XPR1: variants seen among roughly 807,000 people sequenced by gnomAD.
XPR1 encodes xenotropic and polytropic retrovirus receptor 1.
A neutral mutation model predicts 87.5 loss-of-function variants in XPR1; 28 were observed. That is an observed-to-expected ratio of 0.32 (90% confidence interval 0.24 to 0.44). XPR1 has a LOEUF of 0.44. Among genes scored for constraint, XPR1 ranks in the 20% least tolerant of loss-of-function variants. The pLI is 1.00. For synonymous variants in XPR1, 300 were observed against 306.1 expected (o/e 0.98, Z 0.21); for missense variants, 559 against 862.3 (o/e 0.65, Z 4.41).
intron 11 of XPR1, among the ~76,000 whole-genome samples, chr1:180,862,459 T>C (rs1308991265): frequency 6.6e-6 from 1 of 152,130 alleles, no homozygotes. Context: ...CCTCACCTTA[T>C]CTGCCTGACT....
intron 2 of XPR1, among the ~76,000 whole-genome samples, chr1:180,691,692 G>A (rs1347678337): frequency 2.0e-5 from 3 of 152,126 alleles, no homozygotes; most frequent in Non-Finnish European, 4.4e-5. Flanking sequence ...TAGCAGATGT[G>A]TTACAGTCTC....
rs1278362385 is a variant in XPR1 at position 180,825,222 on chromosome 1, C to G, written c.1012C>G (p.Pro338Ala). ...GAGCCTTCTGGCATGCTTCTTTGCT[C>G]CAATTAGTGTCATCCCCACATATGT... Reference protein sequence around the residue: ...CLSLLACFFAPISVIPTYVYP... With the variant: ...CLSLLACFFAAISVIPTYVYP... The change falls in exon 9 of 15, where the codon CCA (proline) becomes GCA (alanine). Residue 338 changes from proline to alanine, a missense_variant. Physicochemically the swap from Pro to Ala is conservative, Grantham distance 27. Transcript: ENST00000367590. The G allele has an allele frequency of 1.9e-6, 3 of 1,613,966 alleles. No individual in the cohort carries two copies. Among genetic ancestry groups the G allele is most frequent in the Non-Finnish European group, 1.7e-6 (2 of 1,179,930 alleles).
chr1:180,680,696 T>A (rs1040968612), intron 1 of XPR1, among the ~76,000 whole-genome samples: 2 of 152,038 alleles, frequency 1.3e-5, no homozygotes, highest in African/African-American at 4.8e-5. Context: ...GAATCAGCAA[T>A]CCCACTACTG....
At chr1:180,845,240 T>C (rs967307722) in intron 11 of XPR1, among the ~76,000 whole-genome samples, 1 of 152,220 alleles carries the variant, frequency 6.6e-6, no homozygotes, top group Non-Finnish European at 1.5e-5. Flanking sequence ...AGTATAAATT[T>C]GTAAGCAATT....
intron 11 of XPR1, among the ~76,000 whole-genome samples, chr1:180,841,790 G>T (rs796848764): frequency 6.6e-4 from 100 of 151,684 alleles, no homozygotes; most frequent in African/African-American, 2.3e-3. Flanking sequence ...AATCATATTG[G>T]TAAATAAAAA....
chr1:180,712,060 A>G (rs1305316137), intron 2 of XPR1, among the ~76,000 whole-genome samples: 2 of 151,746 alleles, frequency 1.3e-5, no homozygotes, highest in Non-Finnish European at 2.9e-5. Flanking sequence ...TGTGGATGGT[A>G]CCAAATTATA....
At chr1:180,668,980 T>G (rs976155677) in intron 1 of XPR1, among the ~76,000 whole-genome samples, 4 of 151,792 alleles carry the variant, frequency 2.6e-5, no homozygotes, top group Non-Finnish European at 5.9e-5. Context: ...TCCCAGCTAC[T>G]TGGGAGGCTG....
At chr1:180,738,099 C>T (rs1241721460) in intron 2 of XPR1, among the ~76,000 whole-genome samples, 1 of 152,166 alleles carries the variant, frequency 6.6e-6, no homozygotes, top group African/African-American at 2.4e-5. Flanking sequence ...GCAACCTCCT[C>T]CTCCTGGGTT....
chr1:180,777,055 C>T (rs536620482), intron 2 of XPR1, among the ~76,000 whole-genome samples: 2 of 152,220 alleles, frequency 1.3e-5, no homozygotes, highest in African/African-American at 4.8e-5. Context: ...TTAGAGATTA[C>T]CTATTCAAAT....
At chr1:180,862,423 C>G (rs771114125) in intron 11 of XPR1, among the ~76,000 whole-genome samples, 2 of 152,078 alleles carry the variant, frequency 1.3e-5, no homozygotes, top group Non-Finnish European at 2.9e-5. Flanking sequence ...TCTGCCTTCT[C>G]AGTATCTTCC....
chr1:180,666,661 A>G (rs1481028543), intron 1 of XPR1, among the ~76,000 whole-genome samples: 1 of 152,188 alleles, frequency 6.6e-6, no homozygotes, highest in African/African-American at 2.4e-5. Flanking sequence ...TTGACTTCAT[A>G]TCCCACTTTG....
chr1:180,756,643 C>G (rs926387695), intron 2 of XPR1, among the ~76,000 whole-genome samples: 4 of 152,076 alleles, frequency 2.6e-5, no homozygotes, highest in Non-Finnish European at 5.9e-5. Flanking sequence ...TCTAATTTAT[C>G]TCATTTTTCT....
At chr1:180,747,121 A>G (rs1647287707) in intron 2 of XPR1, among the ~76,000 whole-genome samples, 2 of 152,290 alleles carry the variant, frequency 1.3e-5, no homozygotes, top group South Asian at 4.2e-4. Context: ...CTTAACATCT[A>G]CTTTTTCACA....
chr1:180,663,606 A>G (rs1276765316), intron 1 of XPR1, among the ~76,000 whole-genome samples: 3 of 152,160 alleles, frequency 2.0e-5, no homozygotes, highest in Non-Finnish European at 1.5e-5. Context: ...CTAGCGCAAC[A>G]CTGGATGTTT....
chr1:180,843,756 C>G (rs557361229), intron 11 of XPR1, among the ~76,000 whole-genome samples: 5 of 150,628 alleles, frequency 3.3e-5, no homozygotes, highest in African/African-American at 1.2e-4. Context: ...AGTCTTATCT[C>G]TAGTCACCTT....
chr1:180,703,391 C>T (rs1166060554), intron 2 of XPR1, among the ~76,000 whole-genome samples: 1 of 152,180 alleles, frequency 6.6e-6, no homozygotes, highest in East Asian at 1.9e-4. Context: ...CTGCAGGCCT[C>T]TGGATAACGC....
At chr1:180,745,163 C>A (rs191690222) in intron 2 of XPR1, among the ~76,000 whole-genome samples, 2 of 152,242 alleles carry the variant, frequency 1.3e-5, no homozygotes, top group Admixed American at 6.5e-5. Flanking sequence ...AGGTTCAGAT[C>A]CGATTATGCA....
At chr1:180,796,452 T>C (rs1464245059) in intron 3 of XPR1, among the ~76,000 whole-genome samples, 4 of 152,210 alleles carry the variant, frequency 2.6e-5, no homozygotes, top group African/African-American at 4.8e-5. Flanking sequence ...TACATAGTTA[T>C]GCCCTTAAGG....
At chr1:180,744,966 TCTAA>T (rs1659040478) in intron 2 of XPR1, among the ~76,000 whole-genome samples, 1 of 152,170 alleles carries the variant, frequency 6.6e-6, no homozygotes, top group South Asian at 2.1e-4. Context: ...AGGCACAATT[TCTAA>T]CTAACCTTGT....
Sources: allele counts gnomAD v4.1 joint callset (sites outside exome capture counted in the v4.1 genomes callset), GRCh38; gene constraint gnomAD v4.1.1; transcripts MANE v1.5; gene names NCBI Gene and HGNC (gene_info 2026-07-23, HGNC 2026-07-21).